LRRC72: variants seen among roughly 807,000 people sequenced by gnomAD.
LRRC72 encodes the protein leucine-rich repeat-containing protein 72.
A neutral mutation model predicts 35.8 loss-of-function variants in LRRC72; 41 were observed. The observed-to-expected ratio is 1.15, with a 90% CI of 0.89 to 1.49. The LOEUF is 1.49. LRRC72 is among the 40% of genes most tolerant of loss of function. The pLI is 0.00. For missense variants in LRRC72, 389 were observed against 330.7 expected (o/e 1.18, Z -1.37); for synonymous variants, 118 against 119.2 (o/e 0.99, Z 0.07).
At chr7:16,527,370 A>C (rs1374834098) in intron 1 of LRRC72, among the ~76,000 whole-genome samples, 2 of 152,060 alleles carry the variant, frequency 1.3e-5, no homozygotes, top group East Asian at 3.9e-4. Context: ...ACCACTCAGC[A>C]TCTGCTGCGT....
At chr7:16,558,160 C>T (rs1782682837) in intron 4 of LRRC72, among the ~76,000 whole-genome samples, 1 of 152,042 alleles carries the variant, frequency 6.6e-6, no homozygotes, top group Non-Finnish European at 1.5e-5. Flanking sequence ...CTTAGCTATG[C>T]AATTTGGAGG....
chr7:16,550,111 T>C (rs1218328925), intron 3 of LRRC72, among the ~76,000 whole-genome samples: 1 of 151,998 alleles, frequency 6.6e-6, no homozygotes, highest in Non-Finnish European at 1.5e-5. Context: ...CCCAGCTACT[T>C]GGGATGCTGA....
At position 16,543,368 on chromosome 7, in the gene LRRC72, C is replaced by T. The variant is rs542140532; in HGVS notation, c.234+5672C>T. 1.3e-3 allele frequency among the ~76,000 whole-genome samples: 201 copies of T among 152,276 alleles called. 1 individual carries two copies. Among genetic ancestry groups the T allele is most frequent in the African/African-American group, 4.6e-3 (193 of 41,546 alleles). ...GACATTAGTGAATATTTTAGCTACC[C>T]TCTATTTAGGAATAAATAAGGCAAA... On this transcript the variant is annotated intron_variant, in intron 3 of 8. Coordinates refer to ENST00000401542, the MANE Select transcript of LRRC72 (RefSeq NM_001195280.2).
At position 16,558,949 on chromosome 7, in the gene LRRC72, T is replaced by A. The variant is rs139295290; in HGVS notation, c.377T>A (p.Ile126Asn). 2.0e-6 allele frequency: 3 copies of A among 1,538,064 alleles called. No homozygotes were observed. The stretch of plus-strand genomic sequence containing the variant: ...CTACACCACAATGAGCTAACCAACA[T>A]TGATGCAACAGTGAAGGAATTAAAG... Reference protein sequence around the residue: ...LLLHHNELTNIDATVKELKGM... With the variant: ...LLLHHNELTNNDATVKELKGM... The change falls in exon 5 of 9, where the codon ATT (isoleucine) becomes AAT (asparagine). Residue 126 changes from isoleucine (I) to asparagine (N), a missense_variant. Ile to Asn is a moderately radical substitution (Grantham distance 149). Coordinates refer to ENST00000401542, the MANE Select transcript of LRRC72 (RefSeq NM_001195280.2).
In LRRC72 at chr7:16,581,487, T is replaced by A. The variant is rs1289150434; in HGVS notation, c.862T>A (p.Ter288LysextTer21). 1.3e-6 allele frequency: 2 copies of A among 1,539,214 alleles called. No individual in the cohort carries two copies. Among genetic ancestry groups the A allele is most frequent in the East Asian group, 4.9e-5 (2 of 40,728 alleles). ...TAQMLTVTLR* is the reference protein window; with the variant it reads ...TAQMLTVTLRK ...TCAAATGCTCACAGTTACACTGAGA[T>A]AAGCCCTGGTATTTCTAGATATCTT... The change falls in exon 9 of 9, where the codon TAA (stop) becomes AAA (lysine). Residue 288 changes from the stop codon to lysine (K), a stop_lost. Transcript: ENST00000401542.
At chr7:16,573,393 A>G (rs1782981960) in intron 7 of LRRC72, among the ~76,000 whole-genome samples, 1 of 152,230 alleles carries the variant, frequency 6.6e-6, no homozygotes, top group Non-Finnish European at 1.5e-5. Flanking sequence ...ACACTGCCTG[A>G]TTTCAAACTA....
chr7:16,542,366 A>G (rs1243375602), intron 3 of LRRC72, among the ~76,000 whole-genome samples: 2 of 152,182 alleles, frequency 1.3e-5, no homozygotes, highest in East Asian at 1.9e-4. Flanking sequence ...ACATGCAACA[A>G]ACTATATTAT....
intron 5 of LRRC72, among the ~76,000 whole-genome samples, chr7:16,563,886 G>C (rs1782783804): frequency 6.6e-6 from 1 of 152,164 alleles, no homozygotes; most frequent in East Asian, 1.9e-4. Context: ...GAGATGAATG[G>C]TCAACCACAA....
intron 7 of LRRC72, among the ~76,000 whole-genome samples, chr7:16,568,710 TAACAAC>T (rs563241776): frequency 6.6e-6 from 1 of 151,700 alleles, no homozygotes; most frequent in African/African-American, 2.4e-5. Flanking sequence ...AAAAGACACA[TAACAAC>T]AACAACAACA....
intron 6 of LRRC72, among the ~76,000 whole-genome samples, chr7:16,566,891 G>GCA (rs141915405): frequency 5.3e-5 from 8 of 151,446 alleles, no homozygotes; most frequent in Admixed American, 2.0e-4. Context: ...TAAGCCACAT[G>GCA]CACACACACA....
chr7:16,552,095 A>T (rs78182099), intron 3 of LRRC72, among the ~76,000 whole-genome samples: 12,614 of 152,264 alleles, frequency 0.083, 625 homozygotes, highest in East Asian at 0.15. Context: ...GGTCAAAAAA[A>T]GTCTTCTGTG....
At chr7:16,577,815 A>G (rs1325741052) in intron 7 of LRRC72, among the ~76,000 whole-genome samples, 1 of 152,226 alleles carries the variant, frequency 6.6e-6, no homozygotes, top group Non-Finnish European at 1.5e-5. Flanking sequence ...GATCAAATAA[A>G]TGGAAATAAA....
intron 5 of LRRC72, among the ~76,000 whole-genome samples, chr7:16,564,401 A>G (rs1007617276): frequency 1.2e-4 from 17 of 145,360 alleles, no homozygotes; most frequent in African/African-American, 4.6e-4. Context: ...TAGTGGTTTA[A>G]TATACATCTG....
In LRRC72 at chr7:16,535,819, A is replaced by G. The variant is rs542063360; in HGVS notation, c.165-1808A>G. On this transcript the variant is annotated intron_variant, in intron 2 of 8. Coordinates refer to ENST00000401542, the MANE Select transcript of LRRC72 (RefSeq NM_001195280.2). The stretch of plus-strand genomic sequence containing the variant: ...CAATCCAAAAAATCAATAATGTGAG[A>G]CATTCTACCAGACAATTATCCTGGA... Among the ~76,000 whole-genome samples the G allele has an allele frequency of 5.4e-4, 83 of 152,326 alleles. 1 individual carries two copies. The South Asian group carries it at 8.1e-3, about 15-fold the overall frequency.
intron 5 of LRRC72, among the ~76,000 whole-genome samples, chr7:16,560,885 G>A (rs1782733753): frequency 6.6e-6 from 1 of 152,048 alleles, no homozygotes; most frequent in Non-Finnish European, 1.5e-5. Context: ...ATAGTAATAT[G>A]TTTGAATGTC....
At chr7:16,548,584 A>G (rs1323115429) in intron 3 of LRRC72, among the ~76,000 whole-genome samples, 1 of 152,220 alleles carries the variant, frequency 6.6e-6, no homozygotes, top group East Asian at 1.9e-4. Flanking sequence ...CCTCACAGGA[A>G]GCTGGTGCCC....
intron 1 of LRRC72, among the ~76,000 whole-genome samples, chr7:16,527,546 T>G (rs1264403474): frequency 6.6e-6 from 1 of 151,758 alleles, no homozygotes. Context: ...AGAGAAAACG[T>G]TATTTGATGA....
intron 4 of LRRC72, among the ~76,000 whole-genome samples, chr7:16,558,501 G>T (rs10231872): frequency 0.23 from 35,597 of 151,862 alleles, 5,046 homozygotes; most frequent in African/African-American, 0.37. Context: ...TCTCAGCTAC[G>T]TGGGAGGCTG....
Position 16,580,097 on chromosome 7 carries a change from G to A in LRRC72, c.694G>A (p.Asp232Asn). 1 of 402,722 alleles carries A rather than the reference G, an allele frequency of 2.5e-6. No individual in the cohort carries two copies. The highest frequency in any genetic ancestry group is 4.4e-6 in the Non-Finnish European group (1 of 226,310). The allele number at this position is 402,722 out of a possible 1,614,324, so 24.9% of individuals were successfully genotyped here. ...AGATTTTGCATTTGCAAATAATGTA[G>A]ACAAGTAAGTAATTTTATCTATACA... Reference protein sequence around the residue: ...PSDFAFANNVDKTVLDDPEDA... With the variant: ...PSDFAFANNVNKTVLDDPEDA... Residue 232 changes from aspartate (D) to asparagine (N), a missense_variant, in exon 8 of 9, where the codon GAC (aspartate) becomes AAC (asparagine). Physicochemically the swap from Asp to Asn is conservative, Grantham distance 23 (BLOSUM62 1). Coordinates refer to ENST00000401542, the MANE Select transcript of LRRC72 (RefSeq NM_001195280.2).
Sources: allele counts gnomAD v4.1 joint callset (sites outside exome capture counted in the v4.1 genomes callset), GRCh38; gene constraint gnomAD v4.1.1; transcripts MANE v1.5; gene names NCBI Gene and HGNC (gene_info 2026-07-23, HGNC 2026-07-21).